The following ERBB4 variants were observed in gnomAD, a reference collection of about 807,000 sequenced individuals.
ERBB4 encodes receptor tyrosine-protein kinase erbB-4.
In ERBB4, 42 loss-of-function variants were observed where a neutral mutation model predicts 158.0. That is an observed-to-expected ratio of 0.27 (90% CI 0.21 to 0.34). The LOEUF (loss-of-function observed/expected upper bound fraction) is 0.34. Ranked by LOEUF, ERBB4 falls within the 10% of genes least tolerant of loss-of-function variation. The pLI is 1.00. For missense variants in ERBB4, 1,333 were observed against 1,624.1 expected, an observed-to-expected ratio of 0.82 and a Z score of 3.08; for synonymous variants, 583 against 558.7, an observed-to-expected ratio of 1.04 and a Z score of -0.61.
chr2:211,423,918 A>G (rs2063565137), intron 23 of ERBB4, among the ~76,000 whole-genome samples: 1 of 151,938 alleles, frequency 6.6e-6, no homozygotes, highest in Admixed American at 6.6e-5. Flanking sequence ...ACGACAGGCA[A>G]TTTGACTGTC....
chr2:212,334,091 T>C (rs991193761), intron 1 of ERBB4, among the ~76,000 whole-genome samples: 2 of 152,094 alleles, frequency 1.3e-5, no homozygotes, highest in African/African-American at 4.8e-5. Context: ...ATATAGCATA[T>C]ATAGGAAAAA....
chr2:212,365,629 A>C (rs2089860644), intron 1 of ERBB4, among the ~76,000 whole-genome samples: 4 of 151,916 alleles, frequency 2.6e-5, no homozygotes, highest in African/African-American at 9.7e-5. Context: ...AAAAAAGAAG[A>C]AGTATATGTA....
At chr2:211,646,773 T>A (rs1574918446) in intron 16 of ERBB4, among the ~76,000 whole-genome samples, 1 of 151,706 alleles carries the variant, frequency 6.6e-6, no homozygotes, top group Non-Finnish European at 1.5e-5. Context: ...AACAGTCTTC[T>A]AATTTAATGA....
At chr2:211,944,130 T>C (rs1575414455) in intron 3 of ERBB4, among the ~76,000 whole-genome samples, 5 of 141,420 alleles carry the variant, frequency 3.5e-5, no homozygotes, top group African/African-American at 1.3e-4. Context: ...ACACACTATA[T>C]ATGTACACTA....
At chr2:211,397,481 G>A (rs2062944830) in intron 25 of ERBB4, among the ~76,000 whole-genome samples, 1 of 152,110 alleles carries the variant, frequency 6.6e-6, no homozygotes, top group Non-Finnish European at 1.5e-5. Flanking sequence ...ATCTGCCATT[G>A]GTACCACAGA....
At chr2:212,290,663 CGT>C (rs147501591) in intron 1 of ERBB4, among the ~76,000 whole-genome samples, 2,041 of 150,264 alleles carry the variant, frequency 0.014, 48 homozygotes, top group African/African-American at 0.046. Flanking sequence ...TATTTCTTTT[CGT>C]GTGTGTGTGT....
chr2:211,498,125 T>C (rs80000855), intron 20 of ERBB4, among the ~76,000 whole-genome samples: 10,331 of 152,136 alleles, frequency 0.068, 509 homozygotes, highest in Middle Eastern at 0.13. Flanking sequence ...GAGAGACTTC[T>C]GTGTCTCTCA....
At chr2:212,038,526 C>T (rs2077066815) in intron 2 of ERBB4, among the ~76,000 whole-genome samples, 1 of 152,084 alleles carries the variant, frequency 6.6e-6, no homozygotes, top group Non-Finnish European at 1.5e-5. Flanking sequence ...AATATCTCTA[C>T]CTAAGACATT....
chr2:212,399,558 ATATATATATATATATATATATATATATT>A lies in ERBB4; in HGVS notation c.82+138863_82+138890del, dbSNP rs1456067852. Reference sequence around the variant, plus strand: ...ATTTTATATATACATATATATATATATATATATATATATATATATATATATATTGGGCGTGGTGTCTTATGCCTGTAAT... The same window carrying A: ...ATTTTATATATACATATATATATATAGGGCGTGGTGTCTTATGCCTGTAAT... On this transcript the variant is annotated intron_variant, in intron 1 of 27. Coordinates refer to ENST00000342788, the MANE Select transcript of ERBB4 (RefSeq NM_005235.3). Among the ~76,000 whole-genome samples, 121 of 23,254 alleles carry A rather than the reference ATATATATATATATATATATATATATATT, an allele frequency of 5.2e-3. 4 individuals carry two copies. Among genetic ancestry groups the A allele is most frequent in the African/African-American group, 0.048 (109 of 2,270 alleles). The allele number at this position is 23,254 out of a possible 152,430, so 15.3% of individuals were successfully genotyped here.
chr2:211,657,923 A>G (rs897105415), intron 15 of ERBB4, 95 bp from the exon 16 acceptor site: 10 of 1,610,270 alleles, frequency 6.2e-6, no homozygotes, highest in Non-Finnish European at 8.5e-6. Flanking sequence ...TTGGAGGAAG[A>G]ACATGGGAAG....
intron 3 of ERBB4, among the ~76,000 whole-genome samples, chr2:211,884,448 C>T (rs1173101992): frequency 6.6e-6 from 1 of 152,044 alleles, no homozygotes; most frequent in African/African-American, 2.4e-5. Flanking sequence ...TTATTTTTCC[C>T]TCTATCATCA....
chr2:211,529,340 T>C (rs2066434185), intron 20 of ERBB4, among the ~76,000 whole-genome samples: 1 of 151,482 alleles, frequency 6.6e-6, no homozygotes, highest in Non-Finnish European at 1.5e-5. Context: ...AAGTAATAAG[T>C]AATGAGATCG....
Position 211,939,718 on chromosome 2 carries a change from C to T in ERBB4, c.421+7712G>A, listed in dbSNP as rs1455239649. 2.6e-5 allele frequency among the ~76,000 whole-genome samples: 4 copies of T among 152,180 alleles called. 1 individual carries two copies. The highest frequency in any genetic ancestry group is 4.8e-5 in the African/African-American group (2 of 41,512). On this transcript the variant is annotated intron_variant, in intron 3 of 27. Transcript: ENST00000342788. ...AACCCAGCACTTCGGAAGGCCGAGG[C>T]GGGCGGATCACGAGGTCAGGAGATC...
At chr2:211,821,386 A>C (rs189198637) in intron 3 of ERBB4, among the ~76,000 whole-genome samples, 2 of 151,882 alleles carry the variant, frequency 1.3e-5, no homozygotes, top group East Asian at 3.8e-4. Flanking sequence ...CAAACAAAAG[A>C]AAAAGTATCC....
chr2:211,675,640 T>G (rs1204295288), intron 13 of ERBB4, among the ~76,000 whole-genome samples: 2 of 151,556 alleles, frequency 1.3e-5, no homozygotes, highest in African/African-American at 4.8e-5. Context: ...ATACAGTGAT[T>G]TATATGACAT....
intron 1 of ERBB4, among the ~76,000 whole-genome samples, chr2:212,261,409 T>G (rs2084939978): frequency 1.3e-5 from 2 of 152,084 alleles, no homozygotes; most frequent in Admixed American, 1.3e-4. Flanking sequence ...ATAAAAAAGT[T>G]AACAACTGTG....
chr2:211,897,512 G>A (rs1002615123), intron 3 of ERBB4, among the ~76,000 whole-genome samples: 2 of 151,364 alleles, frequency 1.3e-5, no homozygotes, highest in African/African-American at 2.4e-5. Context: ...CATGAAAGCA[G>A]ACGTGCAAAA....
At chr2:212,070,087 T>G (rs2078067823) in intron 2 of ERBB4, among the ~76,000 whole-genome samples, 1 of 152,190 alleles carries the variant, frequency 6.6e-6, no homozygotes, top group East Asian at 1.9e-4. Flanking sequence ...ACCACTGTAC[T>G]CTAGCCTGGC....
intron 3 of ERBB4, among the ~76,000 whole-genome samples, chr2:211,892,256 C>A (rs369165606): frequency 4.7e-3 from 285 of 60,404 alleles, no homozygotes; most frequent in Non-Finnish European, 6.2e-3. Flanking sequence ...GTTCAATATA[C>A]GCAAATCAAT....
Sources: allele counts gnomAD v4.1 joint callset (sites outside exome capture counted in the v4.1 genomes callset), GRCh38; gene constraint gnomAD v4.1.1; transcripts MANE v1.5; gene names NCBI Gene and HGNC (gene_info 2026-07-23, HGNC 2026-07-21).